The following SULF1 variants were observed in gnomAD, a reference collection of about 807,000 sequenced individuals.
The protein encoded by SULF1 is extracellular sulfatase Sulf-1.
SULF1 carries 46 observed loss-of-function variants against 110.5 expected under a neutral mutation model. That is an observed-to-expected ratio of 0.42 (90% CI 0.33 to 0.53). SULF1 has a LOEUF of 0.53. Ranked by LOEUF, SULF1 falls within the 20% of genes least tolerant of loss-of-function variation. The pLI, the probability that SULF1 is intolerant of heterozygous loss-of-function variation, is 0.12. For missense variants in SULF1, 941 were observed against 1,094.2 expected, an observed-to-expected ratio of 0.86 and a Z score of 1.98; for synonymous variants, 371 against 387.1, an observed-to-expected ratio of 0.96 and a Z score of 0.49.
intron 13 of SULF1, among the ~76,000 whole-genome samples, chr8:69,606,585 A>C (rs1808237645): frequency 6.6e-6 from 1 of 152,204 alleles, no homozygotes; most frequent in East Asian, 1.9e-4. Flanking sequence ...TACACTGCCT[A>C]CATTTCAGTG....
At position 69,472,617 on chromosome 8, in the gene SULF1, G is replaced by A. The variant is rs192361778; in HGVS notation, c.-391+5667G>A. ...GTCTGCACCTGCCCTCAGCCAGGGA[G>A]AGGAAAGAAACTGGAACTGCCTGGG... is the stretch of plus-strand genomic sequence containing the variant. On this transcript the variant is annotated intron_variant, in intron 1 of 22. Transcript: ENST00000260128. Among the ~76,000 whole-genome samples the A allele has an allele frequency of 2.4e-3, 362 of 152,312 alleles. 2 individuals are homozygous for A. The highest frequency in any genetic ancestry group is 8.4e-3 in the African/African-American group (350 of 41,568).
At chr8:69,657,752 C>A (rs1052365738) in intron 22 of SULF1, among the ~76,000 whole-genome samples, 76 of 152,294 alleles carry the variant, frequency 5.0e-4, no homozygotes, top group African/African-American at 1.8e-3. Flanking sequence ...CTCATCTAGG[C>A]CACCTCTTTC....
rs539155019 is a variant in SULF1, at chr8:69,468,353, G to A, written c.-391+1403G>A. Reference sequence around the variant, plus strand: ...TGCATAAAGATGCCTGTAAAATTATGTTTCAAGTTGCATTATACATATTTT... The same window carrying A: ...TGCATAAAGATGCCTGTAAAATTATATTTCAAGTTGCATTATACATATTTT... On this transcript the variant is annotated intron_variant, in intron 1 of 22. Transcript: ENST00000260128. Among the ~76,000 whole-genome samples, 20 of 152,274 alleles carry A rather than the reference G, an allele frequency of 1.3e-4. 1 individual carries two copies. The South Asian group carries it at 4.1e-3, about 32-fold the overall frequency.
intron 5 of SULF1, among the ~76,000 whole-genome samples, chr8:69,571,051 G>A (rs1266758525): frequency 1.3e-5 from 2 of 152,228 alleles, no homozygotes; most frequent in East Asian, 1.9e-4. Context: ...TTTGCTTAGG[G>A]TGAGGAGTCA....
At chr8:69,539,716 A>G (rs1340816570) in intron 3 of SULF1, among the ~76,000 whole-genome samples, 1 of 152,170 alleles carries the variant, frequency 6.6e-6, no homozygotes, top group Non-Finnish European at 1.5e-5. Flanking sequence ...TACGATTTCT[A>G]CGGAAGAGAA....
At chr8:69,519,036 T>G (rs1418853516) in intron 3 of SULF1, among the ~76,000 whole-genome samples, 2 of 152,210 alleles carry the variant, frequency 1.3e-5, no homozygotes, top group African/African-American at 4.8e-5. Flanking sequence ...CATACATTAC[T>G]TGTGTCCCTT....
intron 8 of SULF1, among the ~76,000 whole-genome samples, chr8:69,598,214 C>T (rs979899233): frequency 3.3e-5 from 5 of 151,930 alleles, no homozygotes; most frequent in Non-Finnish European, 7.4e-5. Context: ...CAGGTCATAC[C>T]TGAAGGGTTT....
chr8:69,522,660 G>C (rs1812388348), intron 3 of SULF1, among the ~76,000 whole-genome samples: 2 of 152,200 alleles, frequency 1.3e-5, no homozygotes, highest in Non-Finnish European at 2.9e-5. Flanking sequence ...AAAAGTCAAA[G>C]AGAAGAGGAG....
chr8:69,513,286 T>A (rs1486690141), intron 3 of SULF1, among the ~76,000 whole-genome samples: 1 of 152,216 alleles, frequency 6.6e-6, no homozygotes, highest in African/African-American at 2.4e-5. Flanking sequence ...TCTATTTGCT[T>A]ATGTGTTTGA....
intron 3 of SULF1, among the ~76,000 whole-genome samples, chr8:69,519,882 C>T (rs1030496195): frequency 1.3e-5 from 2 of 152,104 alleles, no homozygotes; most frequent in African/African-American, 4.8e-5. Context: ...TACAGTCAGA[C>T]TGCTGTAAAC....
At chr8:69,568,098 T>G (rs1415300461) in intron 5 of SULF1, among the ~76,000 whole-genome samples, 3 of 152,208 alleles carry the variant, frequency 2.0e-5, no homozygotes, top group African/African-American at 7.2e-5. Flanking sequence ...TGTTTTTTAC[T>G]CCAGTGCAAT....
chr8:69,547,106 A>G (rs1814316383), intron 3 of SULF1, among the ~76,000 whole-genome samples: 2 of 151,764 alleles, frequency 1.3e-5, no homozygotes, highest in Non-Finnish European at 2.9e-5. Context: ...ATCATGGAAA[A>G]TAGCTACCAG....
chr8:69,515,085 C>G (rs1418173821), intron 3 of SULF1, among the ~76,000 whole-genome samples: 2 of 152,210 alleles, frequency 1.3e-5, no homozygotes, highest in East Asian at 1.9e-4. Context: ...CTTCTCACAG[C>G]TCCACTAGGC....
chr8:69,588,450 C>T (rs895357964), intron 7 of SULF1, among the ~76,000 whole-genome samples: 4 of 152,004 alleles, frequency 2.6e-5, no homozygotes, highest in African/African-American at 4.8e-5. Context: ...GTGGATTTTT[C>T]GTTTGAAGAA....
upstream of SULF1, among the ~76,000 whole-genome samples, chr8:69,488,138 TAGG>T (rs1287644487): frequency 6.6e-6 from 1 of 152,186 alleles, no homozygotes; most frequent in Non-Finnish European, 1.5e-5. Flanking sequence ...ATCTCATGAA[TAGG>T]AGAAGAAATA....
At chr8:69,646,257 T>C (rs985472621) in intron 22 of SULF1, among the ~76,000 whole-genome samples, 1 of 152,172 alleles carries the variant, frequency 6.6e-6, no homozygotes, top group African/African-American at 2.4e-5. Flanking sequence ...GTTTTGTGAG[T>C]CACATTGGTT....
At chr8:69,547,222 A>G (rs1408183671) in intron 3 of SULF1, among the ~76,000 whole-genome samples, 1 of 152,146 alleles carries the variant, frequency 6.6e-6, no homozygotes, top group Non-Finnish European at 1.5e-5. Flanking sequence ...CACCTGCTCT[A>G]ATTTCCCATG....
At chr8:69,559,341 T>G (rs1815321426) in intron 3 of SULF1, among the ~76,000 whole-genome samples, 1 of 152,236 alleles carries the variant, frequency 6.6e-6, no homozygotes, top group African/African-American at 2.4e-5. Flanking sequence ...AGCACTGTGA[T>G]TATTTGGGAA....
intron 1 of SULF1, among the ~76,000 whole-genome samples, chr8:69,471,808 T>C (rs568167312): frequency 6.6e-6 from 1 of 152,192 alleles, no homozygotes; most frequent in Non-Finnish European, 1.5e-5. Context: ...TATTGTATGT[T>C]CAATAAATGG....
Sources: gnomAD v4.1 joint callset for allele counts (sites outside exome capture counted in the v4.1 genomes callset) on GRCh38, gnomAD v4.1.1 for gene constraint, MANE v1.5 for transcripts, NCBI Gene and HGNC (gene_info 2026-07-23, HGNC 2026-07-21) for gene names.